Variants in UBR7 observed in about 807,000 individuals in gnomAD.
UBR7 encodes ubiquitin protein ligase E3 component n-recognin 7.
A neutral mutation model predicts 57.0 loss-of-function variants in UBR7; 22 were observed. The observed-to-expected ratio is 0.39, with a 90% confidence interval of 0.28 to 0.55. The LOEUF (loss-of-function observed/expected upper bound fraction) is 0.55. UBR7 is among the 20% of genes least tolerant of loss of function. UBR7 has a pLI of 0.69. For missense variants in UBR7, 395 were observed against 513.2 expected (o/e 0.77, Z 2.23); for synonymous variants, 167 against 179.8 (o/e 0.93, Z 0.57).
At chr14:93,220,159 G>C in intron 8 of UBR7, 90 bp from the exon 9 acceptor site, 1 of 1,355,896 alleles carries the variant, frequency 7.4e-7, no homozygotes, top group Non-Finnish European at 1.0e-6. Context: ...TACATTTTTA[G>C]TGATTCTCAG....
At chr14:93,217,440 T>C (rs1013512810) in intron 6 of UBR7, among the ~76,000 whole-genome samples, 3 of 152,188 alleles carry the variant, frequency 2.0e-5, no homozygotes, top group African/African-American at 7.2e-5. Flanking sequence ...AGCTCCCCTA[T>C]CGTTTCTCTT....
rs887589764 is a variant in UBR7 at position 93,222,173 on chromosome 14, G to A, written c.1124-140G>A. The stretch of plus-strand genomic sequence containing the variant: ...AGACGTACAGATAATTTGGGAACGA[G>A]TTTCTATGCAGCTTTCACTTAAGAA... On this transcript the variant is annotated intron_variant, in intron 9 of 10. Coordinates refer to ENST00000013070, the MANE Select transcript of UBR7 (RefSeq NM_175748.4). The A allele has an allele frequency of 4.7e-5, 31 of 659,184 alleles. No homozygotes were observed. The African/African-American group carries it at 5.1e-4, about 11-fold the overall frequency. The allele number at this position is 659,184 out of a possible 1,614,324, so 40.8% of individuals were successfully genotyped here.
Position 93,227,254 on chromosome 14 carries a change from C to T in UBR7, c.*219C>T. On this transcript the variant is annotated 3_prime_UTR_variant, in exon 11 of 11. Transcript: ENST00000013070. Reference sequence around the variant, plus strand: ...CAGCTGATGCAGCTCATTCCACAGACTTCTCCAGTGTACTCCTACTCCAGT... The same window carrying T: ...CAGCTGATGCAGCTCATTCCACAGATTTCTCCAGTGTACTCCTACTCCAGT... 1.6e-6 allele frequency: 1 copy of T among 630,744 alleles called. No homozygotes were observed. Among genetic ancestry groups the T allele is most frequent in the South Asian group, 1.5e-5 (1 of 66,052 alleles). 39.1% of individuals were successfully genotyped at this position (630,744 alleles called of 1,614,324 possible). A position where few individuals can be genotyped will look rare whatever the true frequency, so the allele number is the denominator to read the frequency against.
At chr14:93,215,826 G>A (rs1566821967) in intron 6 of UBR7, among the ~76,000 whole-genome samples, 1 of 152,166 alleles carries the variant, frequency 6.6e-6, no homozygotes, top group Non-Finnish European at 1.5e-5. Context: ...GTTAGAGAAT[G>A]GAGGAGGCAG....
intron 2 of UBR7, among the ~76,000 whole-genome samples, 190 bp downstream of exon 2, chr14:93,210,147 G>A: frequency 6.6e-6 from 1 of 151,500 alleles, no homozygotes. Context: ...GCAGTGGTGT[G>A]ATCTAGGCTC....
At chr14:93,220,499 T>G in intron 9 of UBR7, 88 bp downstream of exon 9, 1 of 1,481,670 alleles carries the variant, frequency 6.7e-7, no homozygotes, top group African/African-American at 1.4e-5. Flanking sequence ...TATTTTTAAT[T>G]TAATACAAAG....
rs866980651 is a variant in UBR7 at position 93,207,414 on chromosome 14, C to T, written c.123C>T (p.Ser41=). 1.9e-6 allele frequency: 3 copies of T among 1,551,630 alleles called. No homozygotes were observed. Among genetic ancestry groups the T allele is most frequent in the Admixed American group, 4.0e-5 (2 of 49,968 alleles). ...AGGCGTGCGCTGTCCTGGGCGGCAG[C>T]GACTCCGAGAAGTGCTCCTACTCTC... is the stretch of plus-strand genomic sequence containing the variant. ...ENEACAVLGG[S]DSEKCSYSQG... The change falls in exon 1 of 11, where the codon AGC becomes AGT. Residue 41 remains serine, a synonymous_variant. Coordinates refer to ENST00000013070, the MANE Select transcript of UBR7 (RefSeq NM_175748.4).
chr14:93,209,469 C>G (rs771946844), intron 1 of UBR7, among the ~76,000 whole-genome samples: 1 of 152,124 alleles, frequency 6.6e-6, no homozygotes, highest in African/African-American at 2.4e-5. Context: ...TGGCTTGTGT[C>G]GTGGCTAATG....
At chr14:93,223,461 G>T (rs1035697505) in intron 10 of UBR7, 1 of 540,608 alleles carries the variant, frequency 1.8e-6, no homozygotes, top group Non-Finnish European at 3.3e-6. Flanking sequence ...TACTTGGGAG[G>T]CTGGCTTGAG....
chr14:93,209,435 C>T (rs577806892), intron 1 of UBR7, among the ~76,000 whole-genome samples: 1 of 152,142 alleles, frequency 6.6e-6, no homozygotes, highest in South Asian at 2.1e-4. Context: ...ATTCAGACTT[C>T]CTATCACTTT....
intron 10 of UBR7, chr14:93,223,873 G>T (rs530293375): frequency 4.1e-6 from 3 of 740,004 alleles, no homozygotes; most frequent in Admixed American, 1.8e-5. Flanking sequence ...TGGGGGCGCC[G>T]CTCCGGGAGT....
chr14:93,215,100 A>G, intron 5 of UBR7, 76 bp from the exon 6 acceptor site: 1 of 1,432,188 alleles, frequency 7.0e-7, no homozygotes. Context: ...GTGTATTATT[A>G]CAGTATTTAT....
intron 10 of UBR7, among the ~76,000 whole-genome samples, chr14:93,223,225 T>C (rs1021745916): frequency 6.6e-6 from 1 of 151,974 alleles, no homozygotes; most frequent in African/African-American, 2.4e-5. Context: ...GGTGAAACCT[T>C]GTCTCTACAA....
Position 93,220,328 on chromosome 14 carries a change from T to G in UBR7, c.1040T>G (p.Ile347Ser), listed in dbSNP as rs1566823384. Reference sequence around the variant, plus strand: ...CTGGCTTATGAAAACAAAGGGAAGATTGCCCAGGCCACTGACAGGAGCGAT... The same window carrying G: ...CTGGCTTATGAAAACAAAGGGAAGAGTGCCCAGGCCACTGACAGGAGCGAT... ...TVLAYENKGK[I>S]AQATDRSDPL... Residue 347 changes from isoleucine (I) to serine (S), a missense_variant, in exon 9 of 11, where the codon ATT (isoleucine) becomes AGT (serine). Coordinates refer to ENST00000013070, the MANE Select transcript of UBR7 (RefSeq NM_175748.4). 1 of 1,613,416 alleles carries G rather than the reference T, an allele frequency of 6.2e-7. No homozygotes were observed. The highest frequency in any genetic ancestry group is 8.5e-7 in the Non-Finnish European group (1 of 1,179,948).
Position 93,227,180 on chromosome 14 carries a change from A to G in UBR7, c.*145A>G, listed in dbSNP as rs1894873648. ...CGCTCCCTTCATTCTCTTTAGCTGC[A>G]GTAGCCACCGTGTGGATGCTGACTT... is the stretch of plus-strand genomic sequence containing the variant. On this transcript the variant is annotated 3_prime_UTR_variant, in exon 11 of 11. Transcript: ENST00000013070. 1 of 662,670 alleles carries G rather than the reference A, an allele frequency of 1.5e-6. No homozygotes were observed. The highest frequency in any genetic ancestry group is 1.5e-5 in the South Asian group (1 of 66,694). The allele number at this position is 662,670 out of a possible 1,614,324, so 41.0% of individuals were successfully genotyped here. A position where few individuals can be genotyped will look rare whatever the true frequency, so the allele number is the denominator to read the frequency against.
Position 93,227,044 on chromosome 14 carries a change from A to G in UBR7, c.*9A>G, listed in dbSNP as rs765926324. 1 of 1,596,540 alleles carries G rather than the reference A, an allele frequency of 6.3e-7. No individual in the cohort carries two copies. Among genetic ancestry groups the G allele is most frequent in the Non-Finnish European group, 8.6e-7 (1 of 1,165,194 alleles). ...AGTATTACTGCAGCTAGAGTGGAGT[A>G]TGAAGCTTTCTCATTCAAGCCAATG... On this transcript the variant is annotated 3_prime_UTR_variant, in exon 11 of 11. Coordinates refer to ENST00000013070, the MANE Select transcript of UBR7 (RefSeq NM_175748.4).
intron 10 of UBR7, chr14:93,223,998 A>G (rs1894775478): frequency 2.6e-6 from 2 of 770,644 alleles, no homozygotes; most frequent in Admixed American, 3.9e-5. Context: ...TGAGATACGA[A>G]GTACCAGAAG....
chr14:93,209,174 G>C (rs113703360), intron 1 of UBR7, among the ~76,000 whole-genome samples: 3,633 of 152,228 alleles, frequency 0.024, 148 homozygotes, highest in African/African-American at 0.08. Flanking sequence ...CTTAAAATTT[G>C]CTGTTTTAAA....
chr14:93,222,397 AATC>A, intron 10 of UBR7, 23 bp downstream of exon 10: 1 of 1,530,034 alleles, frequency 6.5e-7, no homozygotes, highest in Non-Finnish European at 9.1e-7. Context: ...AAAGAATTCT[AATC>A]ATAGCCCTGT....
Sources: gnomAD v4.1 joint callset for allele counts (sites outside exome capture counted in the v4.1 genomes callset) on GRCh38, gnomAD v4.1.1 for gene constraint, MANE v1.5 for transcripts, NCBI Gene and HGNC (gene_info 2026-07-23, HGNC 2026-07-21) for gene names.